Variants in FSD1 observed in about 807,000 individuals in gnomAD.
The protein encoded by FSD1 is fibronectin type III and SPRY domain-containing protein 1.
FSD1 carries 23 observed loss-of-function variants against 58.2 expected under a neutral mutation model. The observed-to-expected ratio is 0.40, with a 90% CI of 0.28 to 0.56. The LOEUF (loss-of-function observed/expected upper bound fraction) is 0.56. Among genes scored for constraint, FSD1 ranks in the 20% least tolerant of loss-of-function variants. The probability of loss-of-function intolerance (pLI) is 0.54; values close to 1 mark genes in which losing one functional copy is unlikely to be tolerated. For missense variants in FSD1, 563 were observed against 670.8 expected (o/e 0.84, Z 1.78); for synonymous variants, 265 against 263.4 (o/e 1.01, Z -0.06).
At chr19:4,312,483 C>T (rs1006166058) in intron 7 of FSD1, among the ~76,000 whole-genome samples, 4 of 140,912 alleles carry the variant, frequency 2.8e-5, no homozygotes, top group South Asian at 2.3e-4. Flanking sequence ...AAAAGCGAAA[C>T]TCATCTCAAA....
chr19:4,316,809 G>A (rs187782218), intron 7 of FSD1, among the ~76,000 whole-genome samples: 16 of 152,006 alleles, frequency 1.1e-4, no homozygotes, highest in Admixed American at 2.6e-4. Flanking sequence ...GGAGTGCAAT[G>A]GCATGATCAT....
intron 7 of FSD1, among the ~76,000 whole-genome samples, chr19:4,314,778 C>T (rs1311013551): frequency 1.3e-5 from 2 of 152,256 alleles, no homozygotes; most frequent in Non-Finnish European, 2.9e-5. Flanking sequence ...AGCCACCACG[C>T]CCCGCCACAT....
intron 2 of FSD1, 51 bp from the exon 3 acceptor site, chr19:4,306,147 G>A: frequency 6.2e-7 from 1 of 1,613,518 alleles, no homozygotes; most frequent in Non-Finnish European, 8.5e-7. Flanking sequence ...GGAGGTCTCA[G>A]GTTCCCTCTC....
chr19:4,318,755 C>T, intron 9 of FSD1, 117 bp from the exon 10 acceptor site: 1 of 861,688 alleles, frequency 1.2e-6, no homozygotes, highest in South Asian at 1.4e-5. Context: ...GAGCCAAATA[C>T]TGCCAGAGAT....
At chr19:4,307,795 C>A in intron 3 of FSD1, 87 bp from the exon 4 acceptor site, 2 of 935,126 alleles carry the variant, frequency 2.1e-6, no homozygotes, top group East Asian at 2.6e-5. Context: ...GGCATGGTAC[C>A]CTGGATTCTG....
chr19:4,310,453 G>T (rs375127336), intron 5 of FSD1, 22 bp from the exon 6 acceptor site: 3 of 1,607,370 alleles, frequency 1.9e-6, no homozygotes, highest in Non-Finnish European at 2.6e-6. Context: ...CCCACGCAAC[G>T]CCTGCCACCT....
At position 4,323,322 on chromosome 19, in the gene FSD1, A is replaced by G; in HGVS notation, c.1292-26A>G. 6.2e-7 allele frequency: 1 copy of G among 1,607,050 alleles called. No homozygotes were observed. The highest frequency in any genetic ancestry group is 8.5e-7 in the Non-Finnish European group (1 of 1,175,968). On this transcript the variant is annotated intron_variant, in intron 11 of 12. Transcript: ENST00000221856. The surrounding 1 kb of genome is among the most constrained non-coding windows in gnomAD (Gnocchi z 7.7). ...CCCCATCCCACTTCTGACCGGTCCCACTGTCACTCTGCCCCCCGACCCCAG... is the reference window on the plus strand; with the variant it reads ...CCCCATCCCACTTCTGACCGGTCCCGCTGTCACTCTGCCCCCCGACCCCAG...
At chr19:4,309,687 A>C (rs1052701016) in intron 4 of FSD1, among the ~76,000 whole-genome samples, 2 of 151,944 alleles carry the variant, frequency 1.3e-5, no homozygotes, top group Non-Finnish European at 2.9e-5. Flanking sequence ...AGGCGGGCCG[A>C]TCATGAGGTC....
intron 10 of FSD1, 122 bp from the exon 11 acceptor site, chr19:4,322,864 G>C: frequency 8.3e-7 from 1 of 1,211,182 alleles, no homozygotes; most frequent in Non-Finnish European, 1.1e-6. Context: ...AACCTGGGGA[G>C]TGTCTCTGCA....
chr19:4,319,253 T>A (rs894883959), intron 10 of FSD1, among the ~76,000 whole-genome samples: 2 of 152,036 alleles, frequency 1.3e-5, no homozygotes, highest in Non-Finnish European at 2.9e-5. Flanking sequence ...GTAGCTGGGA[T>A]TTAGGGAGTA....
At position 4,306,028 on chromosome 19, in the gene FSD1, T is replaced by G; in HGVS notation, c.98T>G (p.Leu33Arg). The stretch of plus-strand genomic sequence containing the variant: ...TTTATCTACTCCCTGAAACAGATGC[T>G]GCTGAACGTGGAGGTGAAGGCGGTG... ...QSFIYSLKQM[L>R]LNVEANSAKV... The change falls in exon 2 of 13, where the codon CTG (leucine) becomes CGG (arginine). Residue 33 changes from leucine (L) to arginine (R), a missense_variant. Leu to Arg is a moderately radical substitution (Grantham distance 102, BLOSUM62 -2). Transcript: ENST00000221856. The G allele has an allele frequency of 6.2e-7, 1 of 1,613,884 alleles. No homozygotes were observed. Among genetic ancestry groups the G allele is most frequent in the Non-Finnish European group, 8.5e-7 (1 of 1,179,842 alleles).
intron 7 of FSD1, among the ~76,000 whole-genome samples, chr19:4,314,719 T>C (rs1220454181): frequency 6.6e-6 from 1 of 152,318 alleles, no homozygotes; most frequent in East Asian, 1.9e-4. Flanking sequence ...ACTCCTGACC[T>C]CAGGTGATCC....
At chr19:4,314,309 A>T (rs995410316) in intron 7 of FSD1, among the ~76,000 whole-genome samples, 4 of 152,178 alleles carry the variant, frequency 2.6e-5, no homozygotes, top group African/African-American at 9.7e-5. Flanking sequence ...GGATTCCTCA[A>T]ATCCCTCCTC....
intron 1 of FSD1, 80 bp downstream of exon 1, chr19:4,304,841 A>AACC: frequency 9.6e-6 from 3 of 312,794 alleles, no homozygotes; most frequent in Non-Finnish European, 1.3e-5. Context: ...CAGCGCCCCC[A>AACC]CTCCCTCCCC....
intron 10 of FSD1, among the ~76,000 whole-genome samples, chr19:4,320,783 A>C (rs988319669): frequency 6.9e-6 from 1 of 144,682 alleles, no homozygotes; most frequent in Non-Finnish European, 1.5e-5. Context: ...GCTGGGACTG[A>C]GGAGTATCTG....
intron 8 of FSD1, 135 bp from the exon 9 acceptor site, chr19:4,318,211 G>C: frequency 9.1e-7 from 1 of 1,093,556 alleles, no homozygotes; most frequent in Non-Finnish European, 1.3e-6. Context: ...TCTCTGTCTT[G>C]GACTCTTATC....
chr19:4,305,068 G>GGCCCCCC (rs1971602530), intron 1 of FSD1, among the ~76,000 whole-genome samples: 1 of 51,902 alleles, frequency 1.9e-5, no homozygotes, highest in Non-Finnish European at 3.7e-5. Context: ...CAGGCGTCCC[G>GGCCCCCC]GCCCCCCGCC....
At chr19:4,305,615 T>A (rs1472719005) in intron 1 of FSD1, among the ~76,000 whole-genome samples, 3 of 152,156 alleles carry the variant, frequency 2.0e-5, no homozygotes. Flanking sequence ...TAATATGGGG[T>A]AGCTTAGGGC....
At chr19:4,307,411 C>T (rs1215825145) in intron 3 of FSD1, among the ~76,000 whole-genome samples, 2 of 151,714 alleles carry the variant, frequency 1.3e-5, no homozygotes, top group African/African-American at 4.8e-5. Flanking sequence ...TCTCTGTGAC[C>T]CAGGCTGGAT....
Sources: allele counts gnomAD v4.1 joint callset (sites outside exome capture counted in the v4.1 genomes callset), GRCh38; gene constraint gnomAD v4.1.1; non-coding constraint Gnocchi (gnomAD v3.1); transcripts MANE v1.5; gene names NCBI Gene and HGNC (gene_info 2026-07-23, HGNC 2026-07-21).